ANKS1B: variants seen among roughly 807,000 people sequenced by gnomAD.
The protein encoded by ANKS1B is ankyrin repeat and sterile alpha motif domain-containing protein 1B.
In ANKS1B, 36 loss-of-function variants were observed where a neutral mutation model predicts 148.3. That is an observed-to-expected ratio of 0.24 (90% CI 0.19 to 0.32). The LOEUF is 0.32. ANKS1B is among the 10% of genes least tolerant of loss of function. The pLI, the probability that ANKS1B is intolerant of heterozygous loss-of-function variation, is 1.00. For missense variants in ANKS1B, 1,157 were observed against 1,542.6 expected (o/e 0.75, Z 4.19); for synonymous variants, 542 against 560.8 (o/e 0.97, Z 0.47).
At chr12:99,045,123 GTAT>G (rs1227105594) in intron 17 of ANKS1B, among the ~76,000 whole-genome samples, 1 of 152,152 alleles carries the variant, frequency 6.6e-6, no homozygotes, top group African/African-American at 2.4e-5. Flanking sequence ...TTTCTGAAAT[GTAT>G]TATATTTGCC....
chr12:99,353,698 A>G (rs1183995036), intron 12 of ANKS1B, among the ~76,000 whole-genome samples: 1 of 151,932 alleles, frequency 6.6e-6, no homozygotes, highest in East Asian at 1.9e-4. Context: ...AAGATTTTAG[A>G]TCATGTCCCA....
intron 1 of ANKS1B, among the ~76,000 whole-genome samples, chr12:99,974,386 G>A (rs1436857609): frequency 6.6e-6 from 1 of 152,112 alleles, no homozygotes; most frequent in African/African-American, 2.4e-5. Flanking sequence ...TCTGAGCTAT[G>A]CCTGTACATC....
chr12:99,484,578 T>C (rs1012648432), intron 10 of ANKS1B, among the ~76,000 whole-genome samples: 3 of 151,970 alleles, frequency 2.0e-5, no homozygotes, highest in African/African-American at 7.2e-5. Flanking sequence ...TGTCTAGTGG[T>C]GTCAGTGGTA....
At chr12:98,889,352 T>C (rs2099747153) in intron 17 of ANKS1B, among the ~76,000 whole-genome samples, 1 of 123,968 alleles carries the variant, frequency 8.1e-6, no homozygotes, top group Non-Finnish European at 1.7e-5. Context: ...CCTTTTTTAT[T>C]TTTTTTTTTT....
At chr12:99,465,266 C>T (rs1365058136) in intron 10 of ANKS1B, among the ~76,000 whole-genome samples, 1 of 152,134 alleles carries the variant, frequency 6.6e-6, no homozygotes, top group Non-Finnish European at 1.5e-5. Context: ...ACCACCAGGC[C>T]TGCCCTAAAA....
At chr12:99,328,232 C>T (rs1371155020) in intron 12 of ANKS1B, among the ~76,000 whole-genome samples, 3 of 151,986 alleles carry the variant, frequency 2.0e-5, no homozygotes, top group African/African-American at 7.2e-5. Context: ...AGTCTCTAGG[C>T]TGTAGTGCAG....
chr12:99,008,293 TCCTC>T (rs1470419961), intron 17 of ANKS1B, among the ~76,000 whole-genome samples: 1 of 152,134 alleles, frequency 6.6e-6, no homozygotes, highest in Non-Finnish European at 1.5e-5. Flanking sequence ...TCCTCTTTTC[TCCTC>T]CCTCCCTCTC....
chr12:99,963,065 G>A (rs761439977), intron 1 of ANKS1B, among the ~76,000 whole-genome samples: 5 of 152,066 alleles, frequency 3.3e-5, no homozygotes, highest in Admixed American at 6.5e-5. Context: ...CACCCACCTC[G>A]GCCTCCCAAA....
rs980221708 is a variant in ANKS1B, at chr12:98,745,447, G to A, written c.*292C>T. On this transcript the variant is annotated 3_prime_UTR_variant, in exon 27 of 27. Transcript: ENST00000683438. ...CAAATGAAGCAAAGCAAGTACTGGG[G>A]CGGAGTCATCAGAAATACCTTGGGA... 2 of 1,061,820 alleles carry A rather than the reference G, an allele frequency of 1.9e-6. No individual in the cohort carries two copies. The highest frequency in any genetic ancestry group is 2.3e-6 in the Non-Finnish European group (2 of 881,172). 65.8% of individuals were successfully genotyped at this position (1,061,820 alleles called of 1,614,324 possible).
Position 98,883,783 on chromosome 12 carries a change from A to G in ANKS1B, c.2779-51647T>C, listed in dbSNP as rs1445929279. ...ACTTCTTATAAAAGTAAATATATATAAAGTGCATAGAACAGTGCTTGCCAC... is the reference window on the plus strand; with the variant it reads ...ACTTCTTATAAAAGTAAATATATATGAAGTGCATAGAACAGTGCTTGCCAC... On this transcript the variant is annotated intron_variant, in intron 17 of 26. Coordinates refer to ENST00000683438, the MANE Select transcript of ANKS1B (RefSeq NM_001352186.2). 2.0e-5 allele frequency among the ~76,000 whole-genome samples: 3 copies of G among 152,228 alleles called. No homozygotes were observed. In the East Asian group the frequency reaches 5.8e-4, roughly 29 times the overall value.
At chr12:98,816,332 G>C (rs760287161) in intron 19 of ANKS1B, among the ~76,000 whole-genome samples, 1 of 152,172 alleles carries the variant, frequency 6.6e-6, no homozygotes, top group Non-Finnish European at 1.5e-5. Flanking sequence ...GGGTCTCACT[G>C]TCACCCAGGA....
intron 24 of ANKS1B, among the ~76,000 whole-genome samples, chr12:98,774,149 CTG>C (rs2098641467): frequency 6.6e-6 from 1 of 152,226 alleles, no homozygotes; most frequent in South Asian, 2.1e-4. Flanking sequence ...ACTACATCCA[CTG>C]TGTATAATTA....
chr12:99,893,137 G>A (rs531169330), intron 1 of ANKS1B, among the ~76,000 whole-genome samples: 1 of 152,152 alleles, frequency 6.6e-6, no homozygotes. Context: ...TAGGCCGGGT[G>A]CAGTGGCTCA....
At chr12:99,291,432 C>T (rs996606583) in intron 12 of ANKS1B, among the ~76,000 whole-genome samples, 25 of 151,976 alleles carry the variant, frequency 1.6e-4, no homozygotes, top group African/African-American at 6.0e-4. Context: ...CTAGGCTAGC[C>T]AAAGCCATAC....
At position 99,720,843 on chromosome 12, in the gene ANKS1B, C is replaced by T. The variant is rs372868064; in HGVS notation, c.1128+52079G>A. On this transcript the variant is annotated intron_variant, in intron 8 of 26. Coordinates refer to ENST00000683438, the MANE Select transcript of ANKS1B (RefSeq NM_001352186.2). The stretch of plus-strand genomic sequence containing the variant: ...CATACATGCCCTGCTCTTGTTTACA[C>T]TGCCGGTTTACACTGTTTCTCCAAG... Among the ~76,000 whole-genome samples the T allele has an allele frequency of 3.3e-5, 5 of 152,314 alleles. No homozygotes were observed. The East Asian group carries it at 7.7e-4, about 24-fold the overall frequency.
At chr12:99,274,432 T>C (rs1324355011) in intron 12 of ANKS1B, among the ~76,000 whole-genome samples, 1 of 152,246 alleles carries the variant, frequency 6.6e-6, no homozygotes. Context: ...ATACTTTTAC[T>C]ATTTTCCATG....
intron 8 of ANKS1B, among the ~76,000 whole-genome samples, chr12:99,680,820 G>A (rs1170364232): frequency 6.6e-6 from 1 of 152,128 alleles, no homozygotes; most frequent in Non-Finnish European, 1.5e-5. Flanking sequence ...CGTGGTAAGA[G>A]TTAGACTAGC....
intron 9 of ANKS1B, 41 bp downstream of exon 9, chr12:99,655,026 C>T: frequency 6.6e-7 from 1 of 1,520,616 alleles, no homozygotes; most frequent in Non-Finnish European, 8.9e-7. Context: ...CATAGGCAAC[C>T]ATTTTTGTTT....
intron 14 of ANKS1B, among the ~76,000 whole-genome samples, chr12:99,217,081 A>C (rs1424095030): frequency 6.6e-6 from 1 of 152,234 alleles, no homozygotes; most frequent in East Asian, 1.9e-4. Flanking sequence ...TTTGGAGCCA[A>C]CATATCACCT....
Sources: allele counts gnomAD v4.1 joint callset (sites outside exome capture counted in the v4.1 genomes callset), GRCh38; gene constraint gnomAD v4.1.1; transcripts MANE v1.5; gene names NCBI Gene and HGNC (gene_info 2026-07-23, HGNC 2026-07-21).